ASTN2: variants seen among roughly 807,000 people sequenced by gnomAD.
The protein encoded by ASTN2 is astrotactin-2.
A neutral mutation model predicts 139.8 loss-of-function variants in ASTN2; 54 were observed. The ratio of observed to expected loss-of-function variants is 0.39; its 90% CI spans 0.31 to 0.48. ASTN2 has a LOEUF of 0.48. ASTN2 is among the 20% of genes least tolerant of loss of function. The pLI is 0.95. For synonymous variants in ASTN2, 756 were observed against 719.5 expected (o/e 1.05, Z -0.81); for missense variants, 1,565 against 1,725.1 (o/e 0.91, Z 1.64).
At chr9:117,117,638 T>A (rs566529035) in intron 4 of ASTN2, among the ~76,000 whole-genome samples, 1 of 152,316 alleles carries the variant, frequency 6.6e-6, no homozygotes, top group Admixed American at 6.5e-5. Flanking sequence ...CCCTACCCCA[T>A]GGTACTGCAG....
At chr9:116,761,348 T>C (rs1260410607) in intron 13 of ASTN2, among the ~76,000 whole-genome samples, 1 of 152,146 alleles carries the variant, frequency 6.6e-6, no homozygotes, top group Non-Finnish European at 1.5e-5. Context: ...TGCTGTGTGG[T>C]AGGTACTCAC....
At chr9:117,362,539 AG>A (rs1198398507) in intron 1 of ASTN2, among the ~76,000 whole-genome samples, 2 of 152,188 alleles carry the variant, frequency 1.3e-5, no homozygotes, top group East Asian at 1.9e-4. Context: ...ACAGTGGGTG[AG>A]GGGGTCCTAT....
chr9:117,408,605 T>A (rs1831074010), intron 1 of ASTN2, among the ~76,000 whole-genome samples: 1 of 152,178 alleles, frequency 6.6e-6, no homozygotes, highest in Non-Finnish European at 1.5e-5. Context: ...CTGCTGCACC[T>A]GCTACAAATT....
intron 3 of ASTN2, among the ~76,000 whole-genome samples, chr9:117,143,510 A>G (rs1339433507): frequency 6.6e-6 from 1 of 152,220 alleles, no homozygotes; most frequent in African/African-American, 2.4e-5. Flanking sequence ...ATATTCATTC[A>G]TTCATTCATT....
intron 2 of ASTN2, among the ~76,000 whole-genome samples, chr9:117,220,302 C>T (rs1832472124): frequency 1.3e-5 from 2 of 152,024 alleles, no homozygotes; most frequent in South Asian, 4.2e-4. Context: ...CCCCAGCTCC[C>T]CACAAGCCTC....
intron 3 of ASTN2, among the ~76,000 whole-genome samples, chr9:117,164,140 GT>G (rs1211567067): frequency 6.6e-6 from 1 of 152,036 alleles, no homozygotes; most frequent in African/African-American, 2.4e-5. Flanking sequence ...CATCCACTGG[GT>G]TTTAATATCA....
Position 116,658,733 on chromosome 9 carries a change from CTTTTTTTTTTTTT to C in ASTN2, c.2807-6953_2807-6941del, listed in dbSNP as rs71502074. On this transcript the variant is annotated intron_variant, in intron 16 of 22. Transcript: ENST00000313400. ...GACCTTCCTAATCCTGACCACCGCT[CTTTTTTTTTTTTT>C]TTTTTTTTTTTTGCTTGTACTGTGA... 1.0e-3 allele frequency among the ~76,000 whole-genome samples: 105 copies of C among 101,138 alleles called. No individual in the cohort carries two copies. The East Asian group carries it at 0.032, about 30-fold the overall frequency. The allele number at this position is 101,138 out of a possible 152,430, so 66.4% of individuals were successfully genotyped here. A position where few individuals can be genotyped will look rare whatever the true frequency, so the allele number is the denominator to read the frequency against.
At chr9:116,465,108 G>A (rs905540969) in intron 20 of ASTN2, among the ~76,000 whole-genome samples, 5 of 152,192 alleles carry the variant, frequency 3.3e-5, no homozygotes. Context: ...TGCCTGAGAT[G>A]TGGCAGAGCA....
intron 7 of ASTN2, among the ~76,000 whole-genome samples, chr9:116,998,306 T>G (rs1837080028): frequency 6.6e-6 from 1 of 152,156 alleles, no homozygotes; most frequent in Non-Finnish European, 1.5e-5. Flanking sequence ...TGACTAATTC[T>G]GAACATATAA....
intron 1 of ASTN2, among the ~76,000 whole-genome samples, chr9:117,334,061 T>C (rs1456436767): frequency 6.6e-6 from 1 of 152,190 alleles, no homozygotes; most frequent in Non-Finnish European, 1.5e-5. Flanking sequence ...ATTTTGGGCT[T>C]TGCAGATCAT....
chr9:116,489,666 C>A (rs1849450609), intron 19 of ASTN2, among the ~76,000 whole-genome samples: 1 of 152,192 alleles, frequency 6.6e-6, no homozygotes, highest in Admixed American at 6.5e-5. Flanking sequence ...AGAAGAGTTT[C>A]ATTCTTCGTC....
At chr9:117,025,138 A>G (rs1455102189) in intron 6 of ASTN2, among the ~76,000 whole-genome samples, 1 of 152,164 alleles carries the variant, frequency 6.6e-6, no homozygotes, top group Non-Finnish European at 1.5e-5. Flanking sequence ...AAAGGGATTT[A>G]GGCAAAAGGA....
chr9:117,205,010 A>C (rs1448345998), intron 3 of ASTN2, among the ~76,000 whole-genome samples: 6 of 152,202 alleles, frequency 3.9e-5, no homozygotes, highest in Non-Finnish European at 1.5e-5. Context: ...TGTGGGAGGC[A>C]CTGTGCTGGG....
chr9:116,477,419 T>C (rs1849017356), intron 20 of ASTN2, among the ~76,000 whole-genome samples: 1 of 151,878 alleles, frequency 6.6e-6, no homozygotes, highest in Non-Finnish European at 1.5e-5. Flanking sequence ...CCAAGGGAAG[T>C]TCACATTCCA....
At chr9:116,677,283 G>A (rs1859565980) in intron 16 of ASTN2, among the ~76,000 whole-genome samples, 2 of 152,040 alleles carry the variant, frequency 1.3e-5, no homozygotes, top group Non-Finnish European at 1.5e-5. Context: ...CCTTGGGAAA[G>A]ACAGAGGAGG....
At chr9:116,728,511 G>A (rs1422545449) in intron 15 of ASTN2, among the ~76,000 whole-genome samples, 2 of 152,094 alleles carry the variant, frequency 1.3e-5, no homozygotes, top group South Asian at 4.1e-4. Context: ...TGGATATAAT[G>A]TGGGTGGTGC....
intron 1 of ASTN2, among the ~76,000 whole-genome samples, chr9:117,398,934 G>A (rs1037946935): frequency 6.6e-6 from 1 of 152,050 alleles, no homozygotes; most frequent in African/African-American, 2.4e-5. Flanking sequence ...GACATGCGCT[G>A]CCACATCCAG....
At chr9:117,073,663 TGAAG>T (rs1828195652) in intron 5 of ASTN2, among the ~76,000 whole-genome samples, 1 of 152,120 alleles carries the variant, frequency 6.6e-6, no homozygotes, top group African/African-American at 2.4e-5. Flanking sequence ...GATGAATGAA[TGAAG>T]GGACAAACCA....
chr9:116,818,646 C>T (rs1224005002), intron 12 of ASTN2, among the ~76,000 whole-genome samples: 5 of 152,190 alleles, frequency 3.3e-5, no homozygotes, highest in Admixed American at 1.3e-4. Flanking sequence ...CATCAGGTCA[C>T]TAGCAAATGT....
Sources: allele counts gnomAD v4.1 joint callset (sites outside exome capture counted in the v4.1 genomes callset), GRCh38; gene constraint gnomAD v4.1.1; transcripts MANE v1.5; gene names NCBI Gene and HGNC (gene_info 2026-07-23, HGNC 2026-07-21).